The following NFAM1 variants were observed in gnomAD, a reference collection of about 807,000 sequenced individuals.
NFAM1 encodes the protein NFAT activating protein with ITAM motif 1, also known as NFAT activation molecule 1.
In NFAM1, 17 loss-of-function variants were observed where a neutral mutation model predicts 29.0. The observed-to-expected ratio is 0.59, with a 90% CI of 0.40 to 0.88. The LOEUF is 0.88. NFAM1 is among the 40% of genes least tolerant of loss of function. NFAM1 has a pLI of 0.00. For synonymous variants in NFAM1, 175 were observed against 147.2 expected (o/e 1.19, Z -1.36); for missense variants, 324 against 344.6 (o/e 0.94, Z 0.47).
At chr22:42,397,643 G>A (rs967132834) in intron 4 of NFAM1, among the ~76,000 whole-genome samples, 3 of 152,194 alleles carry the variant, frequency 2.0e-5, no homozygotes, top group Non-Finnish European at 2.9e-5. Context: ...CCTGACATTC[G>A]TATGCCTTCC....
intron 1 of NFAM1, among the ~76,000 whole-genome samples, chr22:42,422,592 T>C (rs1409335190): frequency 6.6e-6 from 1 of 151,902 alleles, no homozygotes; most frequent in Non-Finnish European, 1.5e-5. Flanking sequence ...AGAGTGAGAC[T>C]CTGTCTCAAA....
intron 3 of NFAM1, among the ~76,000 whole-genome samples, chr22:42,399,968 C>T (rs1341147786): frequency 6.6e-6 from 1 of 152,224 alleles, no homozygotes; most frequent in Non-Finnish European, 1.5e-5. Flanking sequence ...GTTCTCAACA[C>T]CTGACCTGCC....
chr22:42,392,471 A>G (rs1217164421), intron 4 of NFAM1, among the ~76,000 whole-genome samples: 1 of 152,066 alleles, frequency 6.6e-6, no homozygotes, highest in African/African-American at 2.4e-5. Context: ...AACAGAAAGG[A>G]GAGGGAGAGG....
rs188422028 is a variant in NFAM1, at chr22:42,403,463, T to C, written c.565-5507A>G. Among the ~76,000 whole-genome samples, 193 of 152,198 alleles carry C rather than the reference T, an allele frequency of 1.3e-3. 1 individual carries two copies. Among genetic ancestry groups the C allele is most frequent in the Admixed American group, 0.012 (177 of 15,296 alleles). ...AGTGCAGTGGTGCAATCTCGGCTCA[T>C]TGCAACCTCCGCCTCTCGGCTAATT... On this transcript the variant is annotated intron_variant, in intron 3 of 5. Coordinates refer to ENST00000329021, the MANE Select transcript of NFAM1 (RefSeq NM_145912.8).
At chr22:42,436,451 G>C (rs1930942404), upstream of NFAM1, among the ~76,000 whole-genome samples, 1 of 152,186 alleles carries the variant, frequency 6.6e-6, no homozygotes, top group Admixed American at 6.5e-5. Flanking sequence ...AAAAAGGGCA[G>C]CCTCCATCCT....
chr22:42,392,849 G>C (rs1165860007), intron 4 of NFAM1, among the ~76,000 whole-genome samples: 1 of 151,846 alleles, frequency 6.6e-6, no homozygotes, highest in Non-Finnish European at 1.5e-5. Flanking sequence ...ACCCAGGCTG[G>C]AGTGCAGTGG....
intron 1 of NFAM1, among the ~76,000 whole-genome samples, chr22:42,423,679 A>G (rs1034794814): frequency 6.6e-6 from 1 of 151,126 alleles, no homozygotes; most frequent in Admixed American, 6.6e-5. Context: ...TGACTGTATC[A>G]CCTCAGTCCA....
At chr22:42,436,563 C>T (rs1431816064), upstream of NFAM1, among the ~76,000 whole-genome samples, 1 of 152,220 alleles carries the variant, frequency 6.6e-6, no homozygotes, top group Non-Finnish European at 1.5e-5. Flanking sequence ...CACCTGGAGG[C>T]CATCTGCCCG....
intron 3 of NFAM1, among the ~76,000 whole-genome samples, chr22:42,399,916 C>G (rs1929670513): frequency 6.6e-6 from 1 of 152,238 alleles, no homozygotes; most frequent in African/African-American, 2.4e-5. Context: ...GCGCCACCCC[C>G]AGTCACAGCA....
intron 1 of NFAM1, among the ~76,000 whole-genome samples, chr22:42,425,758 C>T (rs1002420392): frequency 6.6e-6 from 1 of 152,254 alleles, no homozygotes; most frequent in Non-Finnish European, 1.5e-5. Flanking sequence ...TCTCTCTGCA[C>T]TGTCCCTGGC....
chr22:42,437,141 C>A, upstream of NFAM1: 22 of 155,256 alleles, frequency 1.4e-4, no homozygotes, highest in Non-Finnish European at 2.4e-4. Flanking sequence ...TTCTTTTTGT[C>A]TTTTTTTTTT....
intron 1 of NFAM1, among the ~76,000 whole-genome samples, chr22:42,417,871 G>A (rs1004227989): frequency 6.6e-6 from 1 of 152,116 alleles, no homozygotes; most frequent in African/African-American, 2.4e-5. Context: ...GAGGGCCCCC[G>A]CCCCGTCCCC....
chr22:42,432,405 C>T (rs1341734442), upstream of NFAM1: 21 of 1,493,596 alleles, frequency 1.4e-5, no homozygotes, highest in East Asian at 2.2e-4. Flanking sequence ...CAGGAGGGGA[C>T]GGCCGGCGCT....
Position 42,385,236 on chromosome 22 carries a change from G to C in NFAM1, c.754-16C>G, listed in dbSNP as rs758384354. On this transcript the variant is annotated splice_polypyrimidine_tract_variant and intron_variant, in intron 5 of 5. Coordinates refer to ENST00000329021, the MANE Select transcript of NFAM1 (RefSeq NM_145912.8). ...GCGGTCTCTCCTGGATAGAAAAGAA[G>C]AAAGGGAGGGAAGGAGAGAAAGAGA... The C allele has an allele frequency of 6.4e-7, 1 of 1,556,700 alleles. No individual in the cohort carries two copies. The highest frequency in any genetic ancestry group is 1.4e-5 in the African/African-American group (1 of 73,740).
At chr22:42,434,289 C>T (rs1930888980), upstream of NFAM1, among the ~76,000 whole-genome samples, 1 of 152,168 alleles carries the variant, frequency 6.6e-6, no homozygotes, top group South Asian at 2.1e-4. Context: ...GAGAAGCCTT[C>T]CTCCAGGCTT....
intron 3 of NFAM1, among the ~76,000 whole-genome samples, chr22:42,398,382 T>TTA (rs1555969650): frequency 8.0e-6 from 1 of 125,440 alleles, no homozygotes; most frequent in Non-Finnish European, 1.7e-5. Context: ...CTTGGTTTTA[T>TTA]TTATTATTAT....
rs373181868 is a variant in NFAM1, at chr22:42,428,183, C to T, written c.121+4054G>A. Among the ~76,000 whole-genome samples the T allele has an allele frequency of 1.2e-3, 176 of 152,320 alleles. 2 individuals are homozygous for T. Among genetic ancestry groups the T allele is most frequent in the Non-Finnish European group, 2.1e-3 (145 of 68,028 alleles). ...CCCTGCCGTCAAGCTGAGCCTCTCC[C>T]GGCCCTCCTGGCCCTGCCTTTTGGG... On this transcript the variant is annotated intron_variant, in intron 1 of 5. Coordinates refer to ENST00000329021, the MANE Select transcript of NFAM1 (RefSeq NM_145912.8).
chr22:42,437,712 T>C, the NFAM1 span, among the ~76,000 whole-genome samples: 2 of 152,260 alleles, frequency 1.3e-5, no homozygotes, highest in Non-Finnish European at 2.9e-5. Flanking sequence ...CCGTGACCCT[T>C]CTTCCCCCTC....
At chr22:42,434,518 G>A (rs1930894275), upstream of NFAM1, among the ~76,000 whole-genome samples, 1 of 152,216 alleles carries the variant, frequency 6.6e-6, no homozygotes, top group Non-Finnish European at 1.5e-5. Context: ...GGGAGAGGCA[G>A]GGACGCACCT....
Sources: gnomAD v4.1 joint callset for allele counts (sites outside exome capture counted in the v4.1 genomes callset) on GRCh38, gnomAD v4.1.1 for gene constraint, MANE v1.5 for transcripts, NCBI Gene and HGNC (gene_info 2026-07-23, HGNC 2026-07-21) for gene names.